The following RIMKLB variants were observed in gnomAD, a reference collection of about 807,000 sequenced individuals.
RIMKLB encodes the protein beta-citrylglutamate synthase B.
Under a neutral mutation model 32.0 loss-of-function variants are expected in RIMKLB, and 7 were observed. The ratio of observed to expected loss-of-function variants is 0.22; its 90% CI spans 0.12 to 0.41. The LOEUF (loss-of-function observed/expected upper bound fraction) is 0.41. Among genes scored for constraint, RIMKLB ranks in the 10% least tolerant of loss-of-function variants. The probability of loss-of-function intolerance (pLI) is 1.00; values close to 1 mark genes in which losing one functional copy is unlikely to be tolerated. For synonymous variants in RIMKLB, 172 were observed against 185.1 expected (o/e 0.93, Z 0.57); for missense variants, 289 against 498.7 (o/e 0.58, Z 4.00).
At chr12:8,764,105 A>G (rs967249220) in intron 5 of RIMKLB, among the ~76,000 whole-genome samples, 7 of 152,102 alleles carry the variant, frequency 4.6e-5, no homozygotes, top group Non-Finnish European at 7.4e-5. Context: ...CTAAAATTGG[A>G]GTATTGTAGG....
chr12:8,694,906 T>G (rs1191549293), upstream of RIMKLB, among the ~76,000 whole-genome samples: 1 of 152,262 alleles, frequency 6.6e-6, no homozygotes, highest in African/African-American at 2.4e-5. Context: ...ACTATTTGAC[T>G]GTTTTGGTAT....
At chr12:8,688,387 A>G (rs34182642) in intron 1 of RIMKLB, among the ~76,000 whole-genome samples, 1 of 152,236 alleles carries the variant, frequency 6.6e-6, no homozygotes, top group Non-Finnish European at 1.5e-5. Flanking sequence ...AGAAGCTGTT[A>G]CAATAAGAGA....
chr12:8,708,390 TTTC>T (rs1299641166), intron 1 of RIMKLB, among the ~76,000 whole-genome samples: 38 of 152,194 alleles, frequency 2.5e-4, no homozygotes, highest in Middle Eastern at 3.2e-3. Flanking sequence ...TTTAACTTTT[TTTC>T]TTTTATTCTG....
chr12:8,777,215 CT>C (rs35828763), downstream of RIMKLB: 12,890 of 696,664 alleles, frequency 0.019, 2 homozygotes, highest in African/African-American at 0.032. Flanking sequence ...TGCTTGCTTT[CT>C]TTTTTTTTTT....
chr12:8,692,219 G>A (rs763129645), upstream of RIMKLB, among the ~76,000 whole-genome samples: 1 of 152,156 alleles, frequency 6.6e-6, no homozygotes, highest in Admixed American at 6.5e-5. Flanking sequence ...AGTCAGAGAG[G>A]ACTAACAATA....
At chr12:8,675,434 CT>C in the RIMKLB span, among the ~76,000 whole-genome samples, 1 of 152,166 alleles carries the variant, frequency 6.6e-6, no homozygotes, top group Non-Finnish European at 1.5e-5. Flanking sequence ...GGCCACCTCT[CT>C]TTTTACTGTA....
At chr12:8,708,356 G>A (rs775594314) in intron 1 of RIMKLB, among the ~76,000 whole-genome samples, 13 of 152,270 alleles carry the variant, frequency 8.5e-5, no homozygotes, top group African/African-American at 3.1e-4. Context: ...CAAGAAAGAT[G>A]AGAGGGAGAG....
At chr12:8,773,085 AAGAT>A (rs1395212213) in intron 5 of RIMKLB, among the ~76,000 whole-genome samples, 1 of 134,230 alleles carries the variant, frequency 7.4e-6, no homozygotes, top group Non-Finnish European at 1.5e-5. Context: ...TATTGCAAGT[AAGAT>A]AGACTTGGAA....
upstream of RIMKLB, among the ~76,000 whole-genome samples, chr12:8,677,425 G>A (rs1411593026): frequency 6.6e-6 from 1 of 151,926 alleles, no homozygotes; most frequent in African/African-American, 2.4e-5. Flanking sequence ...ATCCCATTGA[G>A]CCTACCTCCT....
chr12:8,688,247 G>T (rs1257604279), intron 1 of RIMKLB, among the ~76,000 whole-genome samples: 1 of 152,216 alleles, frequency 6.6e-6, no homozygotes, highest in Admixed American at 6.5e-5. Context: ...TGTGTGGTAT[G>T]TGTGGCTTTT....
intron 2 of RIMKLB, among the ~76,000 whole-genome samples, chr12:8,732,898 C>T (rs1334417823): frequency 3.9e-5 from 6 of 152,058 alleles, no homozygotes; most frequent in African/African-American, 1.4e-4. Flanking sequence ...CTTTATTCTT[C>T]CATTTTTAGT....
chr12:8,718,114 A>G (rs752167252), intron 2 of RIMKLB, among the ~76,000 whole-genome samples: 2 of 152,224 alleles, frequency 1.3e-5, no homozygotes, highest in East Asian at 1.9e-4. Context: ...CTGTAGTCAA[A>G]CTACTGTGCC....
At chr12:8,733,649 GATC>G (rs1946743793) in intron 2 of RIMKLB, among the ~76,000 whole-genome samples, 2 of 152,216 alleles carry the variant, frequency 1.3e-5, no homozygotes, top group African/African-American at 4.8e-5. Context: ...AAGGCAGGAA[GATC>G]ATGTGAGGCC....
At chr12:8,728,910 C>T (rs767556045) in intron 2 of RIMKLB, among the ~76,000 whole-genome samples, 15 of 152,064 alleles carry the variant, frequency 9.9e-5, no homozygotes, top group African/African-American at 3.6e-4. Context: ...ATCTCCCTGA[C>T]CGCTTTGTGG....
rs1565430569 is a variant in RIMKLB at position 8,773,678 on chromosome 12, A to G, written c.1055A>G (p.Asp352Gly). The change falls in exon 6 of 6, where the codon GAC becomes GGC. Residue 352 changes from aspartate (D) to glycine (G), a missense_variant. Asp to Gly is a moderately conservative substitution (Grantham distance 94). Coordinates refer to ENST00000535829, the MANE Select transcript of RIMKLB (RefSeq NM_001297776.2). ...DNMSASSSSV[D>G]SDPESTEREL... The stretch of plus-strand genomic sequence containing the variant: ...ATGAGTGCAAGTTCCAGCTCTGTTG[A>G]CAGCGACCCTGAAAGCACGGAGCGA... The G allele has an allele frequency of 2.5e-6, 4 of 1,614,098 alleles. No individual in the cohort carries two copies. Among genetic ancestry groups the G allele is most frequent in the Non-Finnish European group, 3.4e-6 (4 of 1,180,048 alleles).
At chr12:8,713,597 A>G (rs903128414) in intron 1 of RIMKLB, 2 of 399,908 alleles carry the variant, frequency 5.0e-6, no homozygotes, top group Admixed American at 4.0e-5. Context: ...TTCCCCAAGG[A>G]AAAATGGAGA....
intron 2 of RIMKLB, among the ~76,000 whole-genome samples, chr12:8,738,739 C>T (rs1947237649): frequency 6.6e-6 from 1 of 152,122 alleles, no homozygotes; most frequent in Non-Finnish European, 1.5e-5. Context: ...GAGTGATACC[C>T]CCCGTCCCCC....
upstream of RIMKLB, among the ~76,000 whole-genome samples, chr12:8,681,264 G>A (rs78079205): frequency 0.048 from 7,266 of 152,096 alleles, 509 homozygotes; most frequent in African/African-American, 0.15. Flanking sequence ...TGTGTCTGGC[G>A]GTTCTGGTCT....
chr12:8,671,638 C>T, the RIMKLB span, among the ~76,000 whole-genome samples: 14 of 150,966 alleles, frequency 9.3e-5, no homozygotes, highest in Admixed American at 4.6e-4. Flanking sequence ...TCTGGCCGGG[C>T]GTGGTGGCTC....
Sources: allele counts gnomAD v4.1 joint callset (sites outside exome capture counted in the v4.1 genomes callset), GRCh38; gene constraint gnomAD v4.1.1; transcripts MANE v1.5; gene names NCBI Gene and HGNC (gene_info 2026-07-23, HGNC 2026-07-21).